The following EVPL variants were observed in gnomAD, a reference collection of about 807,000 sequenced individuals.
EVPL encodes the protein envoplakin, also known as 210 kDa cornified envelope precursor protein.
EVPL carries 94 observed loss-of-function variants against 129.7 expected under a neutral mutation model. The observed-to-expected ratio is 0.72, with a 90% CI of 0.61 to 0.86. The LOEUF (loss-of-function observed/expected upper bound fraction) is 0.86, where lower values mean the gene tolerates loss of function less well. Ranked by LOEUF, EVPL falls within the 40% of genes least tolerant of loss-of-function variation. The pLI, the probability that EVPL is intolerant of heterozygous loss-of-function variation, is 0.00. For synonymous variants in EVPL, 1,172 were observed against 1,191.1 expected, an observed-to-expected ratio of 0.98 and a Z score of 0.33; for missense variants, 2,625 against 2,721.1, an observed-to-expected ratio of 0.96 and a Z score of 0.79.
chr17:76,022,448 C>A lies in EVPL; in HGVS notation c.571G>T (p.Ala191Ser). 3.1e-6 allele frequency: 5 copies of A among 1,613,814 alleles called. No individual in the cohort carries two copies. The highest frequency in any genetic ancestry group is 4.2e-6 in the Non-Finnish European group (5 of 1,179,958). Residue 191 changes from alanine (A) to serine (S), a missense_variant, in exon 5 of 22, where the codon GCC (alanine) becomes TCC (serine). By Grantham distance (99) the Ala-to-Ser change is moderately conservative. Transcript: ENST00000301607. This position sits in a 1 kb window ranked among gnomAD's most constrained non-coding sequence, Gnocchi z 5.6. Reference sequence around the variant, plus strand: ...AGGCTCCGCAGCTGCTGCCCATAGGCGTCGATCTCCTTCTGCAGGATGTTG... The same window carrying A: ...AGGCTCCGCAGCTGCTGCCCATAGGAGTCGATCTCCTTCTGCAGGATGTTG... ...EHNILQKEID[A>S]YGQQLRSLVG...
Position 76,015,314 on chromosome 17 carries a change from G to A in EVPL, c.1941C>T (p.Val647=), listed in dbSNP as rs1273097161. The part of the protein sequence containing the change: ...LERQIQDADR[V]IRGFEATLVQ... ...CCAGGGTGGCCTCGAAGCCTCGGAT[G>A]ACCCTGTCCGCATCCTGGATCTGCC... Residue 647 remains valine (V), a synonymous_variant, in exon 16 of 22, where the codon GTC becomes GTT. Coordinates refer to ENST00000301607, the MANE Select transcript of EVPL (RefSeq NM_001988.4). The A allele has an allele frequency of 6.2e-7, 1 of 1,603,276 alleles. No individual in the cohort carries two copies. Among genetic ancestry groups the A allele is most frequent in the Admixed American group, 1.7e-5 (1 of 59,674 alleles).
Position 76,010,031 on chromosome 17 carries a change from C to G in EVPL, c.3174G>C (p.Lys1058Asn). The G allele has an allele frequency of 6.8e-6, 11 of 1,613,140 alleles. No homozygotes were observed. The highest frequency in any genetic ancestry group is 9.3e-6 in the Non-Finnish European group (11 of 1,180,036). The change falls in exon 22 of 22, where the codon AAG becomes AAC. Residue 1058 changes from lysine (K) to asparagine (N), a missense_variant. By Grantham distance (94) the Lys-to-Asn change is moderately conservative. Around this residue, in one of 4 missense-constraint regions of EVPL, gnomAD observed 1,453 missense variants for 1,511.8 expected, o/e 0.96. Transcript: ENST00000301607. ...VISARLEGLK[K>N]ELLALEKREV... ...CCCTCTTCTCAAGGGCCAGTAGCTCCTTCTTCAGCCCTTCCAGCCGGGCCG... is the reference window on the plus strand; with the variant it reads ...CCCTCTTCTCAAGGGCCAGTAGCTCGTTCTTCAGCCCTTCCAGCCGGGCCG...
chr17:76,009,522 T>C lies in EVPL; in HGVS notation c.3683A>G (p.Glu1228Gly), dbSNP rs770762901. ...QEMAGKRSGV[E>G]KEVEKLLPDL... ...GGGCAGCAGCTTCTCCACCTCCTTC[T>C]CCACACCGCTCCTCTTGCCCGCCAT... Residue 1228 changes from glutamate (E) to glycine (G), a missense_variant, in exon 22 of 22, where the codon GAG (glutamate) becomes GGG (glycine). Glu to Gly is a moderately conservative substitution (Grantham distance 98). Around this residue, in one of 4 missense-constraint regions of EVPL, gnomAD observed 1,453 missense variants for 1,511.8 expected, o/e 0.96. Transcript: ENST00000301607. This position sits in a 1 kb window ranked among gnomAD's most constrained non-coding sequence, Gnocchi z 5.9. The C allele has an allele frequency of 2.5e-6, 4 of 1,614,034 alleles. No individual in the cohort carries two copies. The African/African-American group carries it at 4.0e-5, about 16-fold the overall frequency.
rs1011491329 is a variant in EVPL, at chr17:76,013,469, C to T, written c.2373+957G>A. The stretch of plus-strand genomic sequence containing the variant: ...TCCTGGCCACCTCATTTCAGCATGA[C>T]CCAGCCGGCCCCATTCCTCTCCCCA... On this transcript the variant is annotated intron_variant, in intron 18 of 21. Transcript: ENST00000301607. The surrounding 1 kb of genome is among the most constrained non-coding windows in gnomAD (Gnocchi z 4.3). 2.0e-5 allele frequency among the ~76,000 whole-genome samples: 3 copies of T among 152,188 alleles called. No homozygotes were observed. The highest frequency in any genetic ancestry group is 4.4e-5 in the Non-Finnish European group (3 of 68,036).
chr17:76,019,986 C>T (rs1348337746), intron 9 of EVPL, among the ~76,000 whole-genome samples: 1 of 152,166 alleles, frequency 6.6e-6, no homozygotes, highest in East Asian at 1.9e-4. Flanking sequence ...TAAACCTAAA[C>T]CAGCCAAACA....
In EVPL at chr17:76,007,787, G is replaced by T. The variant is rs1299178212; in HGVS notation, c.5418C>A (p.Pro1806=). 1 of 1,611,994 alleles carries T rather than the reference G, an allele frequency of 6.2e-7. No individual in the cohort carries two copies. Among genetic ancestry groups the T allele is most frequent in the East Asian group, 2.2e-5 (1 of 44,810 alleles). Residue 1806 remains proline, a synonymous_variant, in exon 22 of 22, where the codon CCC becomes CCA. Coordinates refer to ENST00000301607, the MANE Select transcript of EVPL (RefSeq NM_001988.4). This position sits in a 1 kb window ranked among gnomAD's most constrained non-coding sequence, Gnocchi z 8.8. ...TGGGAGAGAAGAAACTGGTGCTCTG[G>T]GGGGCCGGGGAGGCGAGCGGGGACT... The part of the protein sequence containing the change: ...ISKSPLASPA[P]QSTSFFSPSF...
intron 17 of EVPL, 28 bp from the exon 18 acceptor site, chr17:76,014,604 G>A: frequency 6.2e-7 from 1 of 1,606,208 alleles, no homozygotes. Context: ...CCAGAACAGA[G>A]ATAAGACCTG....
At position 76,010,423 on chromosome 17, in the gene EVPL, C is replaced by T; in HGVS notation, c.2782G>A (p.Val928Met). 1 of 1,613,928 alleles carries T rather than the reference C, an allele frequency of 6.2e-7. No homozygotes were observed. Among genetic ancestry groups the T allele is most frequent in the Non-Finnish European group, 8.5e-7 (1 of 1,179,978 alleles). Residue 928 changes from valine (V) to methionine (M), a missense_variant, in exon 22 of 22, where the codon GTG (valine) becomes ATG (methionine). Transcript: ENST00000301607. ...TCCAGCTCATGCTGCACCCGGGCCA[C>T]CCGCTTCCTCTCCTCTTCCAGCTGG... ...KAQLEEERKR[V>M]ARVQHELEAQ...
intron 1 of EVPL, among the ~76,000 whole-genome samples, chr17:76,026,190 C>T (rs531090811): frequency 1.2e-4 from 19 of 152,018 alleles, no homozygotes; most frequent in African/African-American, 3.4e-4. Flanking sequence ...GTGATCTACC[C>T]GCCTCGGCCT....
At chr17:76,021,594 A>ACGCCCCCCCCCC in intron 8 of EVPL, 31 bp from the exon 9 acceptor site, 2 of 1,438,590 alleles carry the variant, frequency 1.4e-6, no homozygotes, top group Non-Finnish European at 1.8e-6. Flanking sequence ...CCCTCGGACC[A>ACGCCCCCCCCCC]CGCCCCCCCC....
At chr17:76,012,637 G>A (rs1321279586) in intron 18 of EVPL, among the ~76,000 whole-genome samples, 1 of 151,854 alleles carries the variant, frequency 6.6e-6, no homozygotes, top group Non-Finnish European at 1.5e-5. Context: ...TAGTATCTGC[G>A]AGCATCACCT....
At position 76,021,850 on chromosome 17, in the gene EVPL, G is replaced by T. The variant is rs369480502; in HGVS notation, c.807+17C>A. 23 of 1,561,894 alleles carry T rather than the reference G, an allele frequency of 1.5e-5. No homozygotes were observed. In the African/African-American group the frequency reaches 2.2e-4, roughly 15 times the overall value. ...GCCCTGGCCGCCCCCACCTGGCCCC[G>T]ACCTCTGCCAGCCGACCTCGTACTC... On this transcript the variant is annotated intron_variant, in intron 7 of 21. Transcript: ENST00000301607.
chr17:76,023,412 C>T lies in EVPL; in HGVS notation c.360G>A (p.Lys120=). 1 of 1,613,824 alleles carries T rather than the reference C, an allele frequency of 6.2e-7. No individual in the cohort carries two copies. Among genetic ancestry groups the T allele is most frequent in the Non-Finnish European group, 8.5e-7 (1 of 1,180,002 alleles). ...PQAEEIEKDI[K]QLHERVTQEC... ...CCTGGGTCACCCGCTCGTGCAGCTG[C>T]TTGATGCTGTCAAGAAGGTGGCCGG... The change falls in exon 4 of 22, where the codon AAG becomes AAA. Residue 120 remains lysine, a synonymous_variant. Coordinates refer to ENST00000301607, the MANE Select transcript of EVPL (RefSeq NM_001988.4).
chr17:76,009,295 C>T lies in EVPL; in HGVS notation c.3910G>A (p.Glu1304Lys), dbSNP rs749679622. The T allele has an allele frequency of 3.1e-6, 5 of 1,608,586 alleles. No individual in the cohort carries two copies. The highest frequency in any genetic ancestry group is 3.4e-6 in the Non-Finnish European group (4 of 1,179,810). ...GTCTTGGTCTCCACCTTGGCCCGCTCGCGCCTCCACTCGTCGCGCTCACCC... is the reference window on the plus strand; with the variant it reads ...GTCTTGGTCTCCACCTTGGCCCGCTTGCGCCTCCACTCGTCGCGCTCACCC... ...LQGERDEWRR[E>K]RAKVETKTVS... Residue 1304 changes from glutamate to lysine, a missense_variant, in exon 22 of 22, where the codon GAG (glutamate) becomes AAG (lysine). Around this residue, in one of 4 missense-constraint regions of EVPL, gnomAD observed 1,453 missense variants for 1,511.8 expected, o/e 0.96. Transcript: ENST00000301607. The surrounding 1 kb of genome is among the most constrained non-coding windows in gnomAD (Gnocchi z 5.9).
chr17:76,024,098 G>C lies in EVPL; in HGVS notation c.121C>G (p.Leu41Val). 1 of 1,613,858 alleles carries C rather than the reference G, an allele frequency of 6.2e-7. No individual in the cohort carries two copies. The highest frequency in any genetic ancestry group is 8.5e-7 in the Non-Finnish European group (1 of 1,179,970). The stretch of plus-strand genomic sequence containing the variant: ...TTGGCTTGCATGCGGGAGATGAGAA[G>C]GGCCAGCTCCTGGGTGGCAGCCCTA... Reference protein sequence around the residue: ...HSRAATQELALLISRMQANAD... With the variant: ...HSRAATQELAVLISRMQANAD... Residue 41 changes from leucine to valine, a missense_variant, in exon 2 of 22, where the codon CTT (leucine) becomes GTT (valine). Coordinates refer to ENST00000301607, the MANE Select transcript of EVPL (RefSeq NM_001988.4). This position sits in a 1 kb window ranked among gnomAD's most constrained non-coding sequence, Gnocchi z 4.5.
In EVPL at chr17:76,018,955, G is replaced by C; in HGVS notation, c.1243C>G (p.Pro415Ala). 1 of 1,559,934 alleles carries C rather than the reference G, an allele frequency of 6.4e-7. No individual in the cohort carries two copies. The change falls in exon 11 of 22, where the codon CCC becomes GCC. Residue 415 changes from proline to alanine, a missense_variant. Coordinates refer to ENST00000301607, the MANE Select transcript of EVPL (RefSeq NM_001988.4). The stretch of plus-strand genomic sequence containing the variant: ...TCGCAGATGCTGTCCACGTGCAGGG[G>C]CTGCTGAGGGGGGTTTCTTCGCTGT... Reference protein sequence around the residue: ...LPQRRNPPQQPLHVDSICDWD... With the variant: ...LPQRRNPPQQALHVDSICDWD...
Position 76,010,228 on chromosome 17 carries a change from G to C in EVPL, c.2977C>G (p.Leu993Val), listed in dbSNP as rs2066365600. 6.2e-7 allele frequency: 1 copy of C among 1,613,792 alleles called. No homozygotes were observed. The highest frequency in any genetic ancestry group is 8.5e-7 in the Non-Finnish European group (1 of 1,180,018). Residue 993 changes from leucine (L) to valine (V), a missense_variant, in exon 22 of 22, where the codon CTG becomes GTG. This residue lies in a region of EVPL where 1,453 missense variants were observed against 1,511.8 expected (regional missense o/e 0.96). Coordinates refer to ENST00000301607, the MANE Select transcript of EVPL (RefSeq NM_001988.4). ...GKRRAGLQADLEVAAQKVVQL... is the reference protein window; with the variant it reads ...GKRRAGLQADVEVAAQKVVQL... Reference sequence around the variant, plus strand: ...ACGACCTTCTGGGCTGCCACTTCCAGGTCTGCCTGCAGGCCAGCCCGCCGC... The same window carrying C: ...ACGACCTTCTGGGCTGCCACTTCCACGTCTGCCTGCAGGCCAGCCCGCCGC...
Position 76,007,949 on chromosome 17 carries a change from G to A in EVPL, c.5256C>T (p.Ala1752=). ...KSGKQYSIEA[A]LRCRRISKEE... ...CCTTAGAGATGCGCCGGCAGCGGAG[G>A]GCGGCCTCGATGGAGTACTGCTTCC... Residue 1752 remains alanine, a synonymous_variant, in exon 22 of 22, where the codon GCC becomes GCT. Transcript: ENST00000301607. This position sits in a 1 kb window ranked among gnomAD's most constrained non-coding sequence, Gnocchi z 8.8. The A allele has an allele frequency of 1.9e-6, 3 of 1,614,118 alleles. No homozygotes were observed. The highest frequency in any genetic ancestry group is 2.5e-6 in the Non-Finnish European group (3 of 1,180,022).
intron 17 of EVPL, 62 bp downstream of exon 17, chr17:76,014,854 A>C (rs1388637396): frequency 1.4e-6 from 2 of 1,474,918 alleles, no homozygotes; most frequent in African/African-American, 2.8e-5. Flanking sequence ...CACAGCTTGT[A>C]GACAGCAATG....
Sources: gnomAD v4.1 joint callset for allele counts (sites outside exome capture counted in the v4.1 genomes callset) on GRCh38, gnomAD v4.1.1 for gene constraint, gnomAD v4.1.1 regional missense constraint, Gnocchi (gnomAD v3.1) non-coding constraint, MANE v1.5 for transcripts, NCBI Gene and HGNC (gene_info 2026-07-23, HGNC 2026-07-21) for gene names.